Variants in HSF4 observed in about 807,000 individuals in gnomAD.
HSF4 encodes the protein heat shock transcription factor 4, also known as heat shock factor protein 4.
A neutral mutation model predicts 52.0 loss-of-function variants in HSF4; 41 were observed. The observed-to-expected ratio is 0.79, with a 90% CI of 0.61 to 1.02. HSF4 has a LOEUF of 1.02. Among genes scored for constraint, HSF4 ranks in the 50% least tolerant of loss-of-function variants. The probability of loss-of-function intolerance (pLI) is 0.00; values close to 1 mark genes in which losing one functional copy is unlikely to be tolerated. For missense variants in HSF4, 610 were observed against 651.1 expected (o/e 0.94, Z 0.69); for synonymous variants, 285 against 273.0 (o/e 1.04, Z -0.43).
chr16:67,168,706 G>A (rs926660722), intron 9 of HSF4, 125 bp from the exon 10 acceptor site: 23 of 757,908 alleles, frequency 3.0e-5, no homozygotes, highest in Non-Finnish European at 5.0e-5. Context: ...GGGGTGGAGA[G>A]AGGATGGGGA....
At chr16:67,167,341 C>T in intron 7 of HSF4, 119 bp downstream of exon 7, 1 of 1,609,688 alleles carries the variant, frequency 6.2e-7, no homozygotes, top group Non-Finnish European at 8.5e-7. Context: ...CCAACCAGAC[C>T]CAGGCCCTCC....
At position 67,164,944 on chromosome 16, in the gene HSF4, G is replaced by T; in HGVS notation, c.123+10G>T. ...GATCCGCTGGAGCCCGGTGAGGGCC[G>T]GGGCCCCTCGATTCCCCCTGTGGTC... On this transcript the variant is annotated intron_variant, in intron 1 of 12. Coordinates refer to ENST00000521374, the MANE Select transcript of HSF4 (RefSeq NM_001374675.1). 6.3e-7 allele frequency: 1 copy of T among 1,595,692 alleles called. No individual in the cohort carries two copies.
chr16:67,164,966 G>A, intron 1 of HSF4, 32 bp downstream of exon 1: 1 of 1,562,320 alleles, frequency 6.4e-7, no homozygotes, highest in Non-Finnish European at 8.6e-7. Context: ...TTCCCCCTGT[G>A]GTCCCGGGGT....
chr16:67,169,187 G>C lies in HSF4; in HGVS notation c.1254+86G>C. On this transcript the variant is annotated intron_variant, in intron 11 of 12. Transcript: ENST00000521374. The surrounding 1 kb of genome is among the most constrained non-coding windows in gnomAD (Gnocchi z 4.3). The stretch of plus-strand genomic sequence containing the variant: ...TAGCTGTTCTCTGTGAGCCAAAGCC[G>C]TGTCTCTAGAAGAATTGTCACAGTG... 6.2e-7 allele frequency: 1 copy of C among 1,605,796 alleles called. No homozygotes were observed. Among genetic ancestry groups the C allele is most frequent in the Non-Finnish European group, 8.5e-7 (1 of 1,176,304 alleles).
Position 67,167,600 on chromosome 16 carries a change from GT to G in HSF4, c.854+2del, listed in dbSNP as rs1230382018. ...TTTCTCCCTCCAGTGATGGCAGGAG[GT>G]AAGGGGGACAGGGCTGCCCCTGAGG... On this transcript the variant is annotated splice_donor_variant, in intron 8 of 12. Transcript: ENST00000521374. LOFTEE classifies it high-confidence loss of function. 1.9e-6 allele frequency: 3 copies of G among 1,613,322 alleles called. No individual in the cohort carries two copies. The highest frequency in any genetic ancestry group is 2.5e-6 in the Non-Finnish European group (3 of 1,179,860).
Position 67,165,949 on chromosome 16 carries a change from C to A in HSF4, c.364C>A (p.Pro122Thr), listed in dbSNP as rs768911619. Residue 122 changes from proline to threonine, a missense_variant, in exon 4 of 13, where the codon CCC becomes ACC. Pro to Thr is a conservative substitution (Grantham distance 38). Coordinates refer to ENST00000521374, the MANE Select transcript of HSF4 (RefSeq NM_001374675.1). The surrounding 1 kb of genome is among the most constrained non-coding windows in gnomAD (Gnocchi z 6.9). The part of the protein sequence containing the change: ...QLLERVRRKV[P>T]ALRGDDGRWR... Reference sequence around the variant, plus strand: ...CGACGGTGCCTCCCGCCTGCAGGTGCCCGCGCTGCGCGGCGACGACGGCCG... The same window carrying A: ...CGACGGTGCCTCCCGCCTGCAGGTGACCGCGCTGCGCGGCGACGACGGCCG... The A allele has an allele frequency of 1.1e-4, 169 of 1,574,748 alleles. No individual in the cohort carries two copies. The highest frequency in any genetic ancestry group is 8.0e-4 in the Admixed American group (45 of 56,520).
intron 4 of HSF4, 43 bp from the exon 5 acceptor site, chr16:67,166,277 G>A: frequency 1.3e-6 from 2 of 1,576,106 alleles, no homozygotes. Flanking sequence ...TGGTGACTGG[G>A]CGAACTCTCA....
chr16:67,164,241 G>A (rs796235902), upstream of HSF4: 5 of 436,982 alleles, frequency 1.1e-5, no homozygotes, highest in African/African-American at 8.2e-5. Context: ...CGGGGTACCG[G>A]AGGAGCCATC....
rs1439163224 is a variant in HSF4 at position 67,165,424 on chromosome 16, AGT to A, written c.124-92_124-91del. 1.1e-5 allele frequency: 12 copies of A among 1,087,458 alleles called. No homozygotes were observed. The highest frequency in any genetic ancestry group is 1.7e-5 in the Non-Finnish European group (12 of 706,754). 67.4% of individuals were successfully genotyped at this position (1,087,458 alleles called of 1,614,324 possible). On this transcript the variant is annotated intron_variant, in intron 1 of 12. Coordinates refer to ENST00000521374, the MANE Select transcript of HSF4 (RefSeq NM_001374675.1). This position sits in a 1 kb window ranked among gnomAD's most constrained non-coding sequence, Gnocchi z 6.9. Reference sequence around the variant, plus strand: ...AGGCCTGGACCCAAGAGTGAGCATGAGTGTGTGCGCGCGCTGGAGCGCAGGAC... The same window carrying A: ...AGGCCTGGACCCAAGAGTGAGCATGAGTGTGCGCGCGCTGGAGCGCAGGAC...
In HSF4 at chr16:67,165,502, G is replaced by A. The variant is rs909434757; in HGVS notation, c.124-20G>A. The A allele has an allele frequency of 1.2e-6, 2 of 1,610,384 alleles. No homozygotes were observed. Among genetic ancestry groups the A allele is most frequent in the South Asian group, 2.2e-5 (2 of 91,040 alleles). ...CTCCTGGTCTCCGCCCGCACGGTGG[G>A]CGGGCGGCGTTCTTGGTAGAGCGGG... On this transcript the variant is annotated intron_variant, in intron 1 of 12. Transcript: ENST00000521374. This position sits in a 1 kb window ranked among gnomAD's most constrained non-coding sequence, Gnocchi z 6.9.
chr16:67,169,741 C>A lies in HSF4; in HGVS notation c.1435C>A (p.Arg479=), dbSNP rs893581888. The A allele has an allele frequency of 1.2e-6, 2 of 1,612,964 alleles. No individual in the cohort carries two copies. Among genetic ancestry groups the A allele is most frequent in the Admixed American group, 3.3e-5 (2 of 60,012 alleles). The stretch of plus-strand genomic sequence containing the variant: ...AACCATTTATAGCACTCCTGAGAGC[C>A]GGACTGCCTCCTACTTGGGCCCGGA... ...ALTIYSTPES[R]TASYLGPEAS... Residue 479 remains arginine, a synonymous_variant, in exon 13 of 13, where the codon CGG becomes AGG. Transcript: ENST00000521374. The surrounding 1 kb of genome is among the most constrained non-coding windows in gnomAD (Gnocchi z 4.3).
In HSF4 at chr16:67,165,681, G is replaced by A. The variant is rs759467784; in HGVS notation, c.233-38G>A. On this transcript the variant is annotated intron_variant, in intron 2 of 12. Coordinates refer to ENST00000521374, the MANE Select transcript of HSF4 (RefSeq NM_001374675.1). This position sits in a 1 kb window ranked among gnomAD's most constrained non-coding sequence, Gnocchi z 6.9. Reference sequence around the variant, plus strand: ...GCGGGGATGGGGGACTCGGTGCCGGGGATGGGGCGACCCACGCCCCCACGC... The same window carrying A: ...GCGGGGATGGGGGACTCGGTGCCGGAGATGGGGCGACCCACGCCCCCACGC... 6.2e-7 allele frequency: 1 copy of A among 1,612,234 alleles called. No homozygotes were observed. Among genetic ancestry groups the A allele is most frequent in the South Asian group, 1.1e-5 (1 of 91,074 alleles).
At chr16:67,163,967 C>G, upstream of HSF4, 1 of 1,253,620 alleles carries the variant, frequency 8.0e-7, no homozygotes, top group South Asian at 1.3e-5. Context: ...GTGATGGCAT[C>G]GGGACCAGTC....
chr16:67,167,070 T>C (rs780541257), intron 6 of HSF4, 50 bp from the exon 7 acceptor site: 5 of 1,613,028 alleles, frequency 3.1e-6, no homozygotes, highest in East Asian at 2.2e-5. Context: ...CCGAGGTGCA[T>C]GGGGGCTGAC....
upstream of HSF4, chr16:67,164,573 ACCCCACCCCACCCCT>A: frequency 5.8e-6 from 1 of 171,998 alleles, no homozygotes; most frequent in Non-Finnish European, 1.2e-5. Context: ...ACCCCACTCC[ACCCCACCCCACCCCT>A]CCACTCCACT....
intron 5 of HSF4, 80 bp from the exon 6 acceptor site, chr16:67,166,478 A>G: frequency 6.2e-7 from 1 of 1,600,388 alleles, no homozygotes; most frequent in Non-Finnish European, 8.6e-7. Flanking sequence ...GCCCCTGTTA[A>G]GCCTTCCTCC....
rs773538422 is a variant in HSF4, at chr16:67,165,668, G to C, written c.232+38G>C. The C allele has an allele frequency of 1.9e-6, 3 of 1,612,342 alleles. No homozygotes were observed. Among genetic ancestry groups the C allele is most frequent in the African/African-American group, 1.3e-5 (1 of 74,922 alleles). ...GGCCGGGCGGGGAGCGGGGATGGGG[G>C]ACTCGGTGCCGGGGATGGGGCGACC... On this transcript the variant is annotated intron_variant, in intron 2 of 12. Transcript: ENST00000521374. This position sits in a 1 kb window ranked among gnomAD's most constrained non-coding sequence, Gnocchi z 6.9.
rs945143094 is a variant in HSF4, at chr16:67,169,590, G to A, written c.1325-41G>A. ...GCTCTCCTTCCCTGAAGAAAGGAGG[G>A]GGAACATTTCCCCTGGTGAGCGCAG... On this transcript the variant is annotated intron_variant, in intron 12 of 12. Coordinates refer to ENST00000521374, the MANE Select transcript of HSF4 (RefSeq NM_001374675.1). The surrounding 1 kb of genome is among the most constrained non-coding windows in gnomAD (Gnocchi z 4.3). 6.2e-7 allele frequency: 1 copy of A among 1,601,278 alleles called. No individual in the cohort carries two copies. The highest frequency in any genetic ancestry group is 8.5e-7 in the Non-Finnish European group (1 of 1,179,842).
In HSF4 at chr16:67,165,665, G is replaced by C. The variant is rs1830685127; in HGVS notation, c.232+35G>C. On this transcript the variant is annotated intron_variant, in intron 2 of 12. Transcript: ENST00000521374. The surrounding 1 kb of genome is among the most constrained non-coding windows in gnomAD (Gnocchi z 6.9). Reference sequence around the variant, plus strand: ...TACGGCCGGGCGGGGAGCGGGGATGGGGGACTCGGTGCCGGGGATGGGGCG... The same window carrying C: ...TACGGCCGGGCGGGGAGCGGGGATGCGGGACTCGGTGCCGGGGATGGGGCG... 1 of 1,612,462 alleles carries C rather than the reference G, an allele frequency of 6.2e-7. No homozygotes were observed. Among genetic ancestry groups the C allele is most frequent in the South Asian group, 1.1e-5 (1 of 91,076 alleles).
Sources: allele counts gnomAD v4.1 joint callset, GRCh38; gene constraint gnomAD v4.1.1; non-coding constraint Gnocchi (gnomAD v3.1); transcripts MANE v1.5; gene names NCBI Gene and HGNC (gene_info 2026-07-23, HGNC 2026-07-21).